ACER2: variants seen among roughly 807,000 people sequenced by gnomAD.
The protein encoded by ACER2 is alkCDase 2.
Under a neutral mutation model 34.7 loss-of-function variants are expected in ACER2, and 26 were observed. That is an observed-to-expected ratio of 0.75 (90% CI 0.55 to 1.04). The LOEUF (loss-of-function observed/expected upper bound fraction) is 1.04. Ranked by LOEUF, ACER2 falls within the 50% of genes least tolerant of loss-of-function variation. The pLI is 0.00. For synonymous variants in ACER2, 138 were observed against 132.1 expected, an observed-to-expected ratio of 1.04 and a Z score of -0.31; for missense variants, 352 against 340.8, an observed-to-expected ratio of 1.03 and a Z score of -0.26.
At chr9:19,412,790 C>T (rs192595111) in intron 1 of ACER2, among the ~76,000 whole-genome samples, 3 of 152,016 alleles carry the variant, frequency 2.0e-5, no homozygotes, top group African/African-American at 7.2e-5. Context: ...ATTTCCATAT[C>T]AGCTCATATA....
chr9:19,443,087 G>A (rs112696221), intron 4 of ACER2, among the ~76,000 whole-genome samples: 21,459 of 152,096 alleles, frequency 0.14, 4,370 homozygotes, highest in African/African-American at 0.45. Flanking sequence ...CTGGAGTGCA[G>A]TGGCGCGATC....
intron 2 of ACER2, 81 bp from the exon 3 acceptor site, chr9:19,424,619 G>A: frequency 5.1e-6 from 8 of 1,573,642 alleles, no homozygotes; most frequent in Non-Finnish European, 5.2e-6. Context: ...AACCATTGGT[G>A]AAAGGACTAT....
At chr9:19,443,330 C>T (rs1016617279) in intron 4 of ACER2, among the ~76,000 whole-genome samples, 1 of 152,104 alleles carries the variant, frequency 6.6e-6, no homozygotes. Context: ...CCACGCCCGG[C>T]ACATTTATTG....
In ACER2 at chr9:19,451,668, G is replaced by A. The variant is rs1019264371; in HGVS notation, c.*1032G>A. On this transcript the variant is annotated 3_prime_UTR_variant, in exon 6 of 6. Coordinates refer to ENST00000340967, the MANE Select transcript of ACER2 (RefSeq NM_001010887.3). ...CTACAGAGAAGAAGAATTATGGCAT[G>A]AACATTCCCACAGACCCACCATCTT... The A allele has an allele frequency of 6.6e-6, 1 of 152,180 alleles. No homozygotes were observed. The highest frequency in any genetic ancestry group is 2.4e-5 in the African/African-American group (1 of 41,428). 9.4% of individuals were successfully genotyped at this position (152,180 alleles called of 1,614,324 possible).
intron 1 of ACER2, among the ~76,000 whole-genome samples, chr9:19,415,442 C>T (rs927517090): frequency 6.6e-6 from 1 of 151,814 alleles, no homozygotes; most frequent in South Asian, 2.1e-4. Context: ...TTGCAGTTAG[C>T]CAAGATTTCG....
intron 3 of ACER2, among the ~76,000 whole-genome samples, chr9:19,434,521 G>T (rs867065195): frequency 6.7e-6 from 1 of 150,336 alleles, no homozygotes. Flanking sequence ...CTGCAATCCC[G>T]GCACCTCAGG....
chr9:19,450,358 G>A, intron 5 of ACER2, 92 bp from the exon 6 acceptor site: 1 of 1,423,854 alleles, frequency 7.0e-7, no homozygotes, highest in Admixed American at 2.1e-5. Flanking sequence ...TCAGCAAGGT[G>A]CGTGGGTTAG....
chr9:19,415,454 C>T (rs940383295), intron 1 of ACER2, among the ~76,000 whole-genome samples: 1 of 151,796 alleles, frequency 6.6e-6, no homozygotes, highest in Non-Finnish European at 1.5e-5. Context: ...AAGATTTCGC[C>T]ACTGTACTCT....
At chr9:19,423,394 A>G (rs933890383) in intron 1 of ACER2, among the ~76,000 whole-genome samples, 7 of 152,162 alleles carry the variant, frequency 4.6e-5, no homozygotes, top group Admixed American at 1.3e-4. Flanking sequence ...CTGATTGTAT[A>G]TCTGTAGTCA....
chr9:19,443,034 A>T (rs189856320), intron 4 of ACER2, among the ~76,000 whole-genome samples: 59 of 149,308 alleles, frequency 4.0e-4, no homozygotes, highest in Non-Finnish European at 2.5e-4. Context: ...TTTTAATTTT[A>T]TTTATTTATT....
At chr9:19,413,158 A>G (rs773370840) in intron 1 of ACER2, among the ~76,000 whole-genome samples, 21 of 152,224 alleles carry the variant, frequency 1.4e-4, no homozygotes, top group Non-Finnish European at 2.6e-4. Flanking sequence ...TGTTGCCTCA[A>G]ATTGTATCAT....
intron 4 of ACER2, among the ~76,000 whole-genome samples, chr9:19,437,500 C>A (rs1334480206): frequency 2.0e-5 from 3 of 152,256 alleles, no homozygotes; most frequent in African/African-American, 7.2e-5. Flanking sequence ...ATTGCATTTG[C>A]TTTCTAACCA....
chr9:19,445,683 A>C (rs1831330910), intron 4 of ACER2, among the ~76,000 whole-genome samples: 1 of 152,188 alleles, frequency 6.6e-6, no homozygotes, highest in South Asian at 2.1e-4. Context: ...CAGTGGCTTG[A>C]GTATGGGCAG....
At chr9:19,437,342 A>G (rs1268199930) in intron 4 of ACER2, among the ~76,000 whole-genome samples, 2 of 152,138 alleles carry the variant, frequency 1.3e-5, no homozygotes, top group Non-Finnish European at 2.9e-5. Context: ...TTCTGACTCC[A>G]TTACACTTGA....
intron 3 of ACER2, among the ~76,000 whole-genome samples, chr9:19,428,678 C>T (rs998710491): frequency 6.8e-6 from 1 of 146,372 alleles, no homozygotes; most frequent in African/African-American, 2.5e-5. Context: ...ATCAGAAATA[C>T]ATGGGAAAAT....
rs891617961 is a variant in ACER2, at chr9:19,446,733, G to A, written c.641+315G>A. ...AACCTGTAACCTGAGCTCTAGCTAGGTGTTGGGGGAGGGGAGAGGTAGGGG... is the reference window on the plus strand; with the variant it reads ...AACCTGTAACCTGAGCTCTAGCTAGATGTTGGGGGAGGGGAGAGGTAGGGG... On this transcript the variant is annotated intron_variant, in intron 5 of 5. Coordinates refer to ENST00000340967, the MANE Select transcript of ACER2 (RefSeq NM_001010887.3). The A allele has an allele frequency of 6.7e-6, 5 of 751,800 alleles. No individual in the cohort carries two copies. The African/African-American group carries it at 9.5e-5, about 14-fold the overall frequency. The allele number at this position is 751,800 out of a possible 1,614,324, so 46.6% of individuals were successfully genotyped here.
At chr9:19,437,489 C>T (rs934826819) in intron 4 of ACER2, among the ~76,000 whole-genome samples, 3 of 152,144 alleles carry the variant, frequency 2.0e-5, no homozygotes, top group African/African-American at 7.2e-5. Flanking sequence ...TCCAGAGGAC[C>T]ATTGCATTTG....
chr9:19,434,691 C>G (rs1248082883), intron 3 of ACER2, among the ~76,000 whole-genome samples: 5 of 152,106 alleles, frequency 3.3e-5, no homozygotes, highest in Non-Finnish European at 4.4e-5. Flanking sequence ...GAGAATCAGG[C>G]AGGGAGGTTG....
rs76975476 is a variant in ACER2, at chr9:19,447,394, C to T, written c.641+976C>T. Among the ~76,000 whole-genome samples, 630 of 152,266 alleles carry T rather than the reference C, an allele frequency of 4.1e-3. 8 individuals carry two copies. The highest frequency in any genetic ancestry group is 0.014 in the African/African-American group (585 of 41,560). The stretch of plus-strand genomic sequence containing the variant: ...TTTGATATATTTGCTATGAGACCCA[C>T]CCTACTCTAAATTTAAGACTTGGGG... On this transcript the variant is annotated intron_variant, in intron 5 of 5. Transcript: ENST00000340967.
Sources: gnomAD v4.1 joint callset for allele counts (sites outside exome capture counted in the v4.1 genomes callset) on GRCh38, gnomAD v4.1.1 for gene constraint, MANE v1.5 for transcripts, NCBI Gene and HGNC (gene_info 2026-07-23, HGNC 2026-07-21) for gene names.